The following MTRF1 variants were observed in gnomAD, a reference collection of about 807,000 sequenced individuals.
The protein encoded by MTRF1 is mitochondrial translation release factor 1, also known as peptide chain release factor 1, mitochondrial.
In MTRF1, 51 loss-of-function variants were observed where a neutral mutation model predicts 62.9. That is an observed-to-expected ratio of 0.81 (90% CI 0.65 to 1.02). MTRF1 has a LOEUF of 1.02. MTRF1 is among the 50% of genes least tolerant of loss of function. MTRF1 has a pLI of 0.00. For synonymous variants in MTRF1, 158 were observed against 181.9 expected (o/e 0.87, Z 1.06); for missense variants, 446 against 530.0 (o/e 0.84, Z 1.56).
rs79927410 is a variant in MTRF1 at position 41,244,464 on chromosome 13, C to T, written c.698-4031G>A. Among the ~76,000 whole-genome samples the T allele has an allele frequency of 4.1e-3, 621 of 152,246 alleles. 8 individuals are homozygous for T. Among genetic ancestry groups the T allele is most frequent in the East Asian group, 0.034 (174 of 5,190 alleles). On this transcript the variant is annotated intron_variant, in intron 5 of 9. Transcript: ENST00000379480. ...TTTATTTCTATTTCAGAAGAGTTCT[C>T]TGGAAATATAGATGTTAGTATTTGT...
chr13:41,311,429 C>T, the MTRF1 span: 1 of 1,166,468 alleles, frequency 8.6e-7, no homozygotes, highest in Non-Finnish European at 1.2e-6. Flanking sequence ...GCCCGCAGCC[C>T]GACTCTCAGC....
the MTRF1 span, among the ~76,000 whole-genome samples, chr13:41,282,224 G>A: frequency 2.6e-5 from 4 of 151,936 alleles, no homozygotes; most frequent in Admixed American, 6.6e-5. Context: ...GGCGATTGCA[G>A]AAGGTCACAA....
chr13:41,231,033 C>A (rs866990877), intron 7 of MTRF1, among the ~76,000 whole-genome samples: 1 of 152,170 alleles, frequency 6.6e-6, no homozygotes, highest in Middle Eastern at 3.4e-3. Flanking sequence ...GCCCCCACCC[C>A]GCTTTTTTTA....
At chr13:41,305,620 C>T in the MTRF1 span, among the ~76,000 whole-genome samples, 2 of 152,320 alleles carry the variant, frequency 1.3e-5, no homozygotes, top group East Asian at 3.9e-4. Context: ...TCTATTCCTT[C>T]GTCATACCAA....
upstream of MTRF1, among the ~76,000 whole-genome samples, chr13:41,264,954 A>G (rs2040793027): frequency 1.3e-5 from 2 of 152,216 alleles, no homozygotes; most frequent in African/African-American, 4.8e-5. Context: ...CAATGAACAG[A>G]AAAGACAAAA....
At chr13:41,273,730 G>A in the MTRF1 span, among the ~76,000 whole-genome samples, 7 of 151,924 alleles carry the variant, frequency 4.6e-5, no homozygotes, top group African/African-American at 1.2e-4. Context: ...CCAGCTACTC[G>A]GGAGGCTGAG....
At chr13:41,304,628 G>A in the MTRF1 span, among the ~76,000 whole-genome samples, 1 of 152,146 alleles carries the variant, frequency 6.6e-6, no homozygotes, top group African/African-American at 2.4e-5. Context: ...CAAAGGGAGG[G>A]ATTGTTTTTA....
chr13:41,311,392 A>G, the MTRF1 span: 1 of 788,478 alleles, frequency 1.3e-6, no homozygotes. Context: ...GCCCAATTGC[A>G]ACTGTAGACC....
At chr13:41,274,382 T>A in the MTRF1 span, among the ~76,000 whole-genome samples, 2 of 152,208 alleles carry the variant, frequency 1.3e-5, no homozygotes, top group African/African-American at 4.8e-5. Flanking sequence ...TTTTTGTTCA[T>A]ACTGCTAAAG....
At chr13:41,273,456 G>A in the MTRF1 span, among the ~76,000 whole-genome samples, 24 of 152,306 alleles carry the variant, frequency 1.6e-4, no homozygotes, top group Middle Eastern at 3.4e-3. Flanking sequence ...TTGAGGACAC[G>A]CACCTGTGAC....
chr13:41,298,932 C>A, the MTRF1 span, among the ~76,000 whole-genome samples: 14 of 152,208 alleles, frequency 9.2e-5, no homozygotes, highest in African/African-American at 3.4e-4. Context: ...GTAATCCCAG[C>A]ACTTTGGGAG....
intron 7 of MTRF1, among the ~76,000 whole-genome samples, chr13:41,230,235 T>A (rs2035285197): frequency 6.6e-6 from 1 of 152,144 alleles, no homozygotes; most frequent in Admixed American, 6.5e-5. Context: ...ATTACGGATG[T>A]TTTATGTTCT....
At position 41,240,443 on chromosome 13, in the gene MTRF1, C is replaced by T; in HGVS notation, c.698-10G>A. 2 of 1,608,306 alleles carry T rather than the reference C, an allele frequency of 1.2e-6. No individual in the cohort carries two copies. The highest frequency in any genetic ancestry group is 8.5e-7 in the Non-Finnish European group (1 of 1,177,212). On this transcript the variant is annotated splice_polypyrimidine_tract_variant and intron_variant, in intron 5 of 9. Transcript: ENST00000379480. Reference sequence around the variant, plus strand: ...GCATGATGTAGTCCACCTAGGGGAACAACAATCCAGAAATAGTAATGAATT... The same window carrying T: ...GCATGATGTAGTCCACCTAGGGGAATAACAATCCAGAAATAGTAATGAATT...
At chr13:41,306,432 AG>A in the MTRF1 span, among the ~76,000 whole-genome samples, 1 of 152,132 alleles carries the variant, frequency 6.6e-6, no homozygotes, top group Non-Finnish European at 1.5e-5. Context: ...GGAAGAGAGC[AG>A]AAACATCAGG....
chr13:41,255,891 A>G (rs146324279), intron 2 of MTRF1, among the ~76,000 whole-genome samples: 165 of 152,306 alleles, frequency 1.1e-3, no homozygotes, highest in African/African-American at 3.8e-3. Context: ...ACTGCTTTAG[A>G]GGCTTGGAGA....
chr13:41,271,282 T>C, the MTRF1 span, among the ~76,000 whole-genome samples: 1 of 152,182 alleles, frequency 6.6e-6, no homozygotes, highest in African/African-American at 2.4e-5. Context: ...ACCTTAGGGC[T>C]CTTTTCCCTT....
At chr13:41,261,607 A>G (rs1430419696) in intron 1 of MTRF1, 3 of 176,890 alleles carry the variant, frequency 1.7e-5, no homozygotes, top group African/African-American at 7.2e-5. Context: ...TCATAAAGTC[A>G]TTTTCTAAAG....
the MTRF1 span, among the ~76,000 whole-genome samples, chr13:41,280,853 T>C: frequency 6.6e-6 from 1 of 152,200 alleles, no homozygotes; most frequent in African/African-American, 2.4e-5. Flanking sequence ...AATCCTGGCA[T>C]AAGGTTTAAA....
intron 5 of MTRF1, 95 bp from the exon 6 acceptor site, chr13:41,240,528 C>T: frequency 8.5e-7 from 1 of 1,174,898 alleles, no homozygotes; most frequent in Non-Finnish European, 1.2e-6. Flanking sequence ...ATGTTGAGTA[C>T]AGAGCCTAAG....
Sources: gnomAD v4.1 joint callset for allele counts (sites outside exome capture counted in the v4.1 genomes callset) on GRCh38, gnomAD v4.1.1 for gene constraint, MANE v1.5 for transcripts, NCBI Gene and HGNC (gene_info 2026-07-23, HGNC 2026-07-21) for gene names.